The following BRD7 variants were observed in gnomAD, a reference collection of about 807,000 sequenced individuals.
The protein encoded by BRD7 is bromodomain containing 7.
In BRD7, 15 loss-of-function variants were observed where a neutral mutation model predicts 82.1. The ratio of observed to expected loss-of-function variants is 0.18; its 90% CI spans 0.12 to 0.28. The LOEUF is 0.28. Among genes scored for constraint, BRD7 ranks in the 10% least tolerant of loss-of-function variants. The pLI is 1.00. For missense variants in BRD7, 638 were observed against 779.9 expected (o/e 0.82, Z 2.17); for synonymous variants, 232 against 266.9 (o/e 0.87, Z 1.27).
chr16:50,367,425 T>G (rs1435001853), intron 2 of BRD7, among the ~76,000 whole-genome samples: 1 of 152,204 alleles, frequency 6.6e-6, no homozygotes, highest in Non-Finnish European at 1.5e-5. Flanking sequence ...GGCCTTGCTA[T>G]GTTGCCCAGG....
At chr16:50,339,637 C>A (rs111757579) in intron 6 of BRD7, among the ~76,000 whole-genome samples, 1 of 152,170 alleles carries the variant, frequency 6.6e-6, no homozygotes, top group Non-Finnish European at 1.5e-5. Flanking sequence ...TCCACCCCTA[C>A]AAATGCAAAC....
In BRD7 at chr16:50,340,098, A is replaced by G; in HGVS notation, c.592-12T>C. On this transcript the variant is annotated splice_polypyrimidine_tract_variant and intron_variant, in intron 5 of 16. Coordinates refer to ENST00000394688, the MANE Select transcript of BRD7 (RefSeq NM_013263.5). Reference sequence around the variant, plus strand: ...AGTTTGAAGTTATCCTGCAGAAAGAACATTAAGGGAGAAAATGCATTAATG... The same window carrying G: ...AGTTTGAAGTTATCCTGCAGAAAGAGCATTAAGGGAGAAAATGCATTAATG... 6.9e-7 allele frequency: 1 copy of G among 1,447,848 alleles called. No homozygotes were observed. Among genetic ancestry groups the G allele is most frequent in the Non-Finnish European group, 9.4e-7 (1 of 1,064,388 alleles). 89.7% of individuals were successfully genotyped at this position (1,447,848 alleles called of 1,614,324 possible).
Position 50,368,706 on chromosome 16 carries a change from C to T in BRD7, c.49+20G>A, listed in dbSNP as rs1447490597. On this transcript the variant is annotated intron_variant, in intron 1 of 16. Transcript: ENST00000394688. The stretch of plus-strand genomic sequence containing the variant: ...AGAGCCGCCGAGGGCCCGCCGCCCG[C>T]ACCCCGGCCCCCTCCTCACCCTCGT... 4 of 1,552,012 alleles carry T rather than the reference C, an allele frequency of 2.6e-6. No homozygotes were observed. The highest frequency in any genetic ancestry group is 1.2e-5 in the South Asian group (1 of 86,674).
In BRD7 at chr16:50,319,868, G is replaced by C. The variant is rs779118439; in HGVS notation, c.1900+19C>G. ...GTCACCATAGCTTTCTGCTTTCCCA[G>C]AGAAAACAGGGCACGTACCTTCTGT... On this transcript the variant is annotated intron_variant, in intron 16 of 16. Transcript: ENST00000394688. The C allele has an allele frequency of 1.1e-5, 18 of 1,607,298 alleles. No individual in the cohort carries two copies. The highest frequency in any genetic ancestry group is 1.1e-4 in the South Asian group (10 of 90,152).
At chr16:50,366,120 A>G (rs114778536) in intron 2 of BRD7, among the ~76,000 whole-genome samples, 1,641 of 152,384 alleles carry the variant, frequency 0.011, 30 homozygotes, top group African/African-American at 0.037. Flanking sequence ...CTGAAAGAAA[A>G]TAATTTTCAA....
chr16:50,337,552 T>G (rs11644259), intron 6 of BRD7, among the ~76,000 whole-genome samples: 36,322 of 151,966 alleles, frequency 0.24, 4,973 homozygotes, highest in African/African-American at 0.36. Context: ...GAGCCACTGT[T>G]CCTGGCCTCA....
In BRD7 at chr16:50,368,791, G is replaced by C; in HGVS notation, c.-17C>G. On this transcript the variant is annotated 5_prime_UTR_variant, in exon 1 of 17. Coordinates refer to ENST00000394688, the MANE Select transcript of BRD7 (RefSeq NM_013263.5). Reference sequence around the variant, plus strand: ...CTTGCCCATGTCCGACCGGGCCCCGGTGCCCGCCCCCCGCGCCAGGCCCAG... The same window carrying C: ...CTTGCCCATGTCCGACCGGGCCCCGCTGCCCGCCCCCCGCGCCAGGCCCAG... 2.0e-6 allele frequency: 3 copies of C among 1,524,420 alleles called. 1 individual carries two copies. In the South Asian group the frequency reaches 3.5e-5, roughly 18 times the overall value. 94.4% of individuals were successfully genotyped at this position (1,524,420 alleles called of 1,614,324 possible). A position where few individuals can be genotyped will look rare whatever the true frequency, so the allele number is the denominator to read the frequency against.
chr16:50,349,647 T>A (rs1241365115), intron 5 of BRD7: 2 of 470,344 alleles, frequency 4.3e-6, no homozygotes, highest in East Asian at 6.9e-5. Flanking sequence ...TAAGAATGGA[T>A]TAATACAATA....
At chr16:50,322,111 CAGGAG>C in intron 12 of BRD7, 73 bp from the exon 13 acceptor site, 1 of 1,259,584 alleles carries the variant, frequency 7.9e-7, no homozygotes, top group Non-Finnish European at 1.1e-6. Flanking sequence ...AGAAAACTGT[CAGGAG>C]TTTCTTGGCA....
At chr16:50,342,455 C>T (rs1490238631) in intron 5 of BRD7, among the ~76,000 whole-genome samples, 38 of 102,914 alleles carry the variant, frequency 3.7e-4, no homozygotes, top group South Asian at 1.1e-3. Flanking sequence ...AAGACACTGT[C>T]TTTTTTTTTT....
chr16:50,363,903 T>G (rs1258137950), intron 2 of BRD7, among the ~76,000 whole-genome samples: 1 of 151,858 alleles, frequency 6.6e-6, no homozygotes, highest in Non-Finnish European at 1.5e-5. Context: ...AAAAGAATGT[T>G]TTTGAAAAAA....
chr16:50,353,473 A>T (rs997020142), intron 4 of BRD7, among the ~76,000 whole-genome samples: 1 of 152,216 alleles, frequency 6.6e-6, no homozygotes, highest in Non-Finnish European at 1.5e-5. Flanking sequence ...ACAATGAAAG[A>T]AAGTCCACTG....
chr16:50,344,735 T>C (rs1194973543), intron 5 of BRD7, among the ~76,000 whole-genome samples: 1 of 152,072 alleles, frequency 6.6e-6, no homozygotes, highest in Non-Finnish European at 1.5e-5. Flanking sequence ...TGAAAAGAAA[T>C]GAACAAAGCC....
In BRD7 at chr16:50,364,013, T is replaced by C. The variant is rs13339346; in HGVS notation, c.258+4077A>G. ...AGGAGTTTGAAGCTGCAGTGGACCA[T>C]GATTGCACCACTGCATTCTGCCCTG... is the stretch of plus-strand genomic sequence containing the variant. On this transcript the variant is annotated intron_variant, in intron 2 of 16. Transcript: ENST00000394688. 2.7e-3 allele frequency among the ~76,000 whole-genome samples: 407 copies of C among 151,062 alleles called. 1 individual carries two copies. The highest frequency in any genetic ancestry group is 9.2e-3 in the African/African-American group (378 of 41,066).
chr16:50,341,734 G>T (rs1343466247), intron 5 of BRD7, among the ~76,000 whole-genome samples: 1 of 150,886 alleles, frequency 6.6e-6, no homozygotes, highest in African/African-American at 2.4e-5. Flanking sequence ...CAAACTAAGT[G>T]ACCATTTGGC....
intron 15 of BRD7, 104 bp downstream of exon 15, chr16:50,320,143 TG>T: frequency 6.6e-7 from 1 of 1,523,126 alleles, no homozygotes; most frequent in Non-Finnish European, 8.8e-7. Flanking sequence ...AAACTGTCCC[TG>T]GGATTCACAT....
At chr16:50,347,128 T>C (rs570190670) in intron 5 of BRD7, among the ~76,000 whole-genome samples, 6 of 152,102 alleles carry the variant, frequency 3.9e-5, no homozygotes, top group African/African-American at 7.2e-5. Context: ...ATAAACGTAA[T>C]CCAGCATATA....
intron 12 of BRD7, among the ~76,000 whole-genome samples, chr16:50,322,813 A>T (rs1251476674): frequency 6.6e-6 from 1 of 152,192 alleles, no homozygotes; most frequent in Non-Finnish European, 1.5e-5. Flanking sequence ...TTGATGTAAA[A>T]TTTCATTTTT....
intron 5 of BRD7, among the ~76,000 whole-genome samples, chr16:50,346,621 A>C (rs1476974367): frequency 6.6e-6 from 1 of 152,216 alleles, no homozygotes; most frequent in Non-Finnish European, 1.5e-5. Context: ...AACTACCATC[A>C]GAGAATACTA....
Sources: gnomAD v4.1 joint callset for allele counts (sites outside exome capture counted in the v4.1 genomes callset) on GRCh38, gnomAD v4.1.1 for gene constraint, MANE v1.5 for transcripts, NCBI Gene and HGNC (gene_info 2026-07-23, HGNC 2026-07-21) for gene names.